Variants in TMEM132C observed in about 807,000 individuals in gnomAD.
TMEM132C encodes transmembrane protein 132C, also known as protein phosphatase 1, regulatory subunit 152.
Under a neutral mutation model 61.4 loss-of-function variants are expected in TMEM132C, and 29 were observed. That is an observed-to-expected ratio of 0.47 (90% CI 0.35 to 0.64). The LOEUF is 0.64. Ranked by LOEUF, TMEM132C falls within the 30% of genes least tolerant of loss-of-function variation. The pLI, the probability that TMEM132C is intolerant of heterozygous loss-of-function variation, is 0.00. For missense variants in TMEM132C, 1,408 were observed against 1,476.9 expected, an observed-to-expected ratio of 0.95 and a Z score of 0.76; for synonymous variants, 656 against 633.1, an observed-to-expected ratio of 1.04 and a Z score of -0.54.
intron 2 of TMEM132C, among the ~76,000 whole-genome samples, chr12:128,420,180 G>A (rs138364982): frequency 2.0e-5 from 3 of 152,246 alleles, no homozygotes; most frequent in African/African-American, 7.2e-5. Flanking sequence ...TGGGTGACAA[G>A]AGTGACACTC....
intron 1 of TMEM132C, 91 bp downstream of exon 1, chr12:128,267,578 GCGGCGGGGGCCT>G (rs1447242083): frequency 5.8e-6 from 6 of 1,028,732 alleles, no homozygotes; most frequent in Admixed American, 4.7e-5. Context: ...AGCGAGGGGT[GCGGCGGGGGCCT>G]CGGCGGGGGC....
chr12:128,433,321 G>A (rs1434082389), intron 2 of TMEM132C, among the ~76,000 whole-genome samples: 2 of 152,168 alleles, frequency 1.3e-5, no homozygotes, highest in East Asian at 3.9e-4. Context: ...AGAACAAAAA[G>A]ACGACTGTGT....
In TMEM132C at chr12:128,303,927, G is replaced by A. The variant is rs564208419; in HGVS notation, c.85+36440G>A. Among the ~76,000 whole-genome samples, 14 of 152,174 alleles carry A rather than the reference G, an allele frequency of 9.2e-5. No homozygotes were observed. In the South Asian group the frequency reaches 2.9e-3, roughly 32 times the overall value. On this transcript the variant is annotated intron_variant, in intron 1 of 8. Transcript: ENST00000435159. Reference sequence around the variant, plus strand: ...GCATGGGTGAAAGTATGAAATATGAGAAATTACCAGGGAGGTCTTCCCAGT... The same window carrying A: ...GCATGGGTGAAAGTATGAAATATGAAAAATTACCAGGGAGGTCTTCCCAGT...
intron 2 of TMEM132C, among the ~76,000 whole-genome samples, chr12:128,521,544 C>A (rs868426566): frequency 8.2e-5 from 12 of 146,912 alleles, no homozygotes; most frequent in Non-Finnish European, 1.5e-4. Flanking sequence ...GATTACTATA[C>A]CCTAACTAAT....
At position 128,447,969 on chromosome 12, in the gene TMEM132C, A is replaced by G. The variant is rs892995205; in HGVS notation, c.974+32349A>G. 1.3e-5 allele frequency among the ~76,000 whole-genome samples: 2 copies of G among 150,976 alleles called. 1 individual carries two copies. The highest frequency in any genetic ancestry group is 3.0e-5 in the Non-Finnish European group (2 of 67,746). On this transcript the variant is annotated intron_variant, in intron 2 of 8. Transcript: ENST00000435159. ...TCTCGATCTCCTGACCTCATGATCC[A>G]CCCGCCTCGGCCTCCCAAAGTGCTG...
chr12:128,378,346 G>A (rs1874279211), intron 1 of TMEM132C, among the ~76,000 whole-genome samples: 2 of 152,048 alleles, frequency 1.3e-5, no homozygotes, highest in African/African-American at 2.4e-5. Flanking sequence ...TCGATCTCCT[G>A]ACTTCATGAT....
At chr12:128,595,091 T>A (rs1453598848) in intron 3 of TMEM132C, among the ~76,000 whole-genome samples, 4 of 152,186 alleles carry the variant, frequency 2.6e-5, no homozygotes, top group Non-Finnish European at 5.9e-5. Flanking sequence ...AAGGAAACAC[T>A]GCTCTCCGGA....
At chr12:128,671,488 G>A (rs10847664) in intron 5 of TMEM132C, among the ~76,000 whole-genome samples, 36,314 of 152,048 alleles carry the variant, frequency 0.24, 5,231 homozygotes, top group African/African-American at 0.41. Context: ...AAAAGCATTC[G>A]GGTAGTGATT....
rs116487411 is a variant in TMEM132C at position 128,591,189 on chromosome 12, G to T, written c.1122-24963G>T. On this transcript the variant is annotated intron_variant, in intron 3 of 8. Coordinates refer to ENST00000435159, the MANE Select transcript of TMEM132C (RefSeq NM_001136103.3). Reference sequence around the variant, plus strand: ...TTTTTAGTGTATCTGCAGAATTGCAGAACTATCACCACAATCAATTTTAGA... The same window carrying T: ...TTTTTAGTGTATCTGCAGAATTGCATAACTATCACCACAATCAATTTTAGA... 7.6e-3 allele frequency among the ~76,000 whole-genome samples: 1,156 copies of T among 152,272 alleles called. 15 individuals carry two copies. The highest frequency in any genetic ancestry group is 0.026 in the African/African-American group (1,088 of 41,554).
intron 3 of TMEM132C, among the ~76,000 whole-genome samples, chr12:128,573,685 T>C (rs10847649): frequency 0.76 from 114,749 of 151,644 alleles, 45,869 homozygotes; most frequent in East Asian, 1. Flanking sequence ...GAATGGTGGA[T>C]GCCAGAGGCT....
chr12:128,380,238 G>A (rs1258035826), intron 1 of TMEM132C, among the ~76,000 whole-genome samples: 1 of 152,248 alleles, frequency 6.6e-6, no homozygotes, highest in South Asian at 2.1e-4. Context: ...TAGTAGGTGA[G>A]CAAGAGCTGT....
intron 7 of TMEM132C, 71 bp downstream of exon 7, chr12:128,696,174 G>A (rs1954762018): frequency 6.7e-7 from 1 of 1,494,046 alleles, no homozygotes; most frequent in Non-Finnish European, 9.0e-7. Context: ...GTCAATGGGT[G>A]GGCAGATCAC....
At chr12:128,703,491 G>T (rs1346671235) in intron 8 of TMEM132C, among the ~76,000 whole-genome samples, 2 of 152,178 alleles carry the variant, frequency 1.3e-5, no homozygotes, top group Non-Finnish European at 2.9e-5. Flanking sequence ...TCTTTTTATG[G>T]CTGCATAGTA....
chr12:128,613,606 C>T (rs1876706582), intron 3 of TMEM132C, among the ~76,000 whole-genome samples: 1 of 152,188 alleles, frequency 6.6e-6, no homozygotes, highest in African/African-American at 2.4e-5. Context: ...TCTTTTCCCT[C>T]CCAGAGGAAT....
chr12:128,315,454 A>C (rs1380988390), intron 1 of TMEM132C, among the ~76,000 whole-genome samples: 5 of 152,128 alleles, frequency 3.3e-5, no homozygotes, highest in Non-Finnish European at 7.4e-5. Flanking sequence ...AAACCGCGCC[A>C]TTTCAGATGA....
chr12:128,508,919 G>A (rs566833651), intron 2 of TMEM132C, among the ~76,000 whole-genome samples: 1 of 152,194 alleles, frequency 6.6e-6, no homozygotes, highest in Admixed American at 6.5e-5. Flanking sequence ...GACTTGCACA[G>A]TTATTCGTCT....
intron 4 of TMEM132C, among the ~76,000 whole-genome samples, chr12:128,648,168 G>A (rs1347053832): frequency 2.0e-5 from 3 of 150,652 alleles, no homozygotes; most frequent in Admixed American, 1.3e-4. Flanking sequence ...TGCCATCAAC[G>A]TTAAATATGA....
intron 4 of TMEM132C, among the ~76,000 whole-genome samples, chr12:128,625,275 G>A (rs1052377153): frequency 4.6e-5 from 7 of 152,188 alleles, no homozygotes; most frequent in African/African-American, 1.7e-4. Context: ...CAGTTCTGGG[G>A]GCTGGAAGTT....
intron 3 of TMEM132C, among the ~76,000 whole-genome samples, chr12:128,601,782 T>G (rs1876203007): frequency 6.6e-6 from 1 of 152,170 alleles, no homozygotes; most frequent in South Asian, 2.1e-4. Context: ...TAATTGCCTT[T>G]TAATGGAAAT....
Sources: allele counts gnomAD v4.1 joint callset (sites outside exome capture counted in the v4.1 genomes callset), GRCh38; gene constraint gnomAD v4.1.1; transcripts MANE v1.5; gene names NCBI Gene and HGNC (gene_info 2026-07-23, HGNC 2026-07-21).